The following PPEF2 variants were observed in gnomAD, a reference collection of about 807,000 sequenced individuals.
PPEF2 encodes protein phosphatase with EF-hand domain 2.
Under a neutral mutation model 84.7 loss-of-function variants are expected in PPEF2, and 84 were observed. The observed-to-expected ratio is 0.99, with a 90% CI of 0.83 to 1.19. The LOEUF is 1.19. Among genes scored for constraint, PPEF2 ranks in the 50% most tolerant of loss-of-function variants. The probability of loss-of-function intolerance (pLI) is 0.00; values close to 1 mark genes in which losing one functional copy is unlikely to be tolerated. For missense variants in PPEF2, 924 were observed against 937.5 expected (o/e 0.99, Z 0.19); for synonymous variants, 346 against 345.2 (o/e 1.00, Z -0.03).
At position 75,873,147 on chromosome 4, in the gene PPEF2, C is replaced by T. The variant is rs1724323798; in HGVS notation, c.1486G>A (p.Glu496Lys). Residue 496 changes from glutamate (E) to lysine (K), a missense_variant, in exon 12 of 17, where the codon GAA becomes AAA. Physicochemically the swap from Glu to Lys is moderately conservative, Grantham distance 56 (BLOSUM62 1). Coordinates refer to ENST00000286719, the MANE Select transcript of PPEF2 (RefSeq NM_006239.3). The part of the protein sequence containing the change: ...RSHECKPEGY[E>K]FCHNRKVLTI... The stretch of plus-strand genomic sequence containing the variant: ...CCCACCTTGCGGTTGTGACAGAATT[C>T]ATAGCCTTCAGGTTTGCATTCATGT... The T allele has an allele frequency of 6.2e-7, 1 of 1,613,968 alleles. No homozygotes were observed. Among genetic ancestry groups the T allele is most frequent in the Non-Finnish European group, 8.5e-7 (1 of 1,179,904 alleles).
chr4:75,870,346 G>A (rs1724236650), intron 13 of PPEF2, among the ~76,000 whole-genome samples: 1 of 152,128 alleles, frequency 6.6e-6, no homozygotes, highest in African/African-American at 2.4e-5. Context: ...CATTCACTTG[G>A]TAGGTTTATA....
At chr4:75,886,072 T>C (rs544628839) in intron 7 of PPEF2, among the ~76,000 whole-genome samples, 1 of 152,140 alleles carries the variant, frequency 6.6e-6, no homozygotes, top group African/African-American at 2.4e-5. Flanking sequence ...GATCTGTTGT[T>C]GCCATGGTAA....
intron 16 of PPEF2, among the ~76,000 whole-genome samples, chr4:75,861,481 T>C (rs1288728025): frequency 6.7e-6 from 1 of 149,568 alleles, no homozygotes; most frequent in African/African-American, 2.4e-5. Context: ...AGAGTAAAGC[T>C]AGATACCTAC....
chr4:75,872,337 T>C (rs1001481405), intron 12 of PPEF2, among the ~76,000 whole-genome samples, 170 bp from the exon 13 acceptor site: 6 of 152,200 alleles, frequency 3.9e-5, no homozygotes, highest in Non-Finnish European at 8.8e-5. Context: ...TCAATGCTAA[T>C]AGGGCAAGAG....
chr4:75,885,595 T>G (rs532770278), intron 7 of PPEF2, among the ~76,000 whole-genome samples: 5 of 152,364 alleles, frequency 3.3e-5, no homozygotes, highest in Non-Finnish European at 7.3e-5. Flanking sequence ...CTGGGCACAG[T>G]GGCTCACGCC....
chr4:75,876,646 T>C lies in PPEF2; in HGVS notation c.961A>G (p.Arg321Gly), dbSNP rs199799687. ...KIVSTMRCKT[R>G]QKSEKQMEEK... ...TCCATCTGCTTCTCACTCTTCTGTC[T>C]CGTTTTGCACCTCATGGTGGAAACT... Residue 321 changes from arginine to glycine, a missense_variant, in exon 11 of 17, where the codon AGA becomes GGA. Transcript: ENST00000286719. 8.9e-6 allele frequency: 14 copies of C among 1,569,908 alleles called. No homozygotes were observed. The highest frequency in any genetic ancestry group is 1.2e-5 in the Non-Finnish European group (14 of 1,158,534).
chr4:75,881,636 G>A (rs779878453), intron 10 of PPEF2: 2 of 152,122 alleles, frequency 1.3e-5, no homozygotes, highest in Non-Finnish European at 1.5e-5. Context: ...GGGTGTACAG[G>A]GACACAGCAA....
intron 12 of PPEF2, 84 bp from the exon 13 acceptor site, chr4:75,872,251 C>T (rs1479613798): frequency 1.5e-6 from 2 of 1,325,114 alleles, no homozygotes; most frequent in Non-Finnish European, 2.0e-6. Flanking sequence ...AACTCAACTG[C>T]AGAAGCTGCT....
chr4:75,861,013 G>A (rs1723987523), intron 16 of PPEF2, 93 bp from the exon 17 acceptor site: 2 of 1,392,178 alleles, frequency 1.4e-6, no homozygotes, highest in African/African-American at 1.4e-5. Context: ...GCTCCCTACT[G>A]CTCAACAGAG....
chr4:75,872,288 C>A (rs913325028), intron 12 of PPEF2, 121 bp from the exon 13 acceptor site: 27 of 950,226 alleles, frequency 2.8e-5, no homozygotes, highest in African/African-American at 5.0e-5. Flanking sequence ...ATCTGGGAAT[C>A]CTTTTCTTTC....
At chr4:75,865,496 T>TC (rs1405141260) in intron 15 of PPEF2, among the ~76,000 whole-genome samples, 2 of 152,058 alleles carry the variant, frequency 1.3e-5, no homozygotes, top group South Asian at 2.1e-4. Context: ...CAAGCAATTC[T>TC]CCCACCTCGC....
chr4:75,861,617 T>TTG (rs1457779286), intron 16 of PPEF2, among the ~76,000 whole-genome samples: 4 of 116,212 alleles, frequency 3.4e-5, no homozygotes, highest in African/African-American at 1.1e-4. Context: ...TGCAACAGTT[T>TTG]TTTTTTTTTT....
intron 13 of PPEF2, 40 bp from the exon 14 acceptor site, chr4:75,867,459 T>C: frequency 7.2e-7 from 1 of 1,380,764 alleles, no homozygotes; most frequent in Non-Finnish European, 1.0e-6. Flanking sequence ...AACACACTGG[T>C]ATAGAAAAAA....
chr4:75,884,294 G>T (rs1300622114), intron 8 of PPEF2, among the ~76,000 whole-genome samples: 1 of 152,076 alleles, frequency 6.6e-6, no homozygotes, highest in East Asian at 1.9e-4. Flanking sequence ...TGGGCATGGT[G>T]GTGCGTGCCT....
intron 6 of PPEF2, among the ~76,000 whole-genome samples, chr4:75,887,729 C>T (rs1456746572): frequency 1.3e-5 from 2 of 152,118 alleles, no homozygotes; most frequent in African/African-American, 4.8e-5. Flanking sequence ...GCACTGGAGC[C>T]TCCACTAGGT....
intron 14 of PPEF2, among the ~76,000 whole-genome samples, 199 bp downstream of exon 14, chr4:75,867,114 C>T (rs1724148975): frequency 6.6e-6 from 1 of 151,968 alleles, no homozygotes; most frequent in Non-Finnish European, 1.5e-5. Flanking sequence ...TGGCTAAGTT[C>T]ATATTTTGTT....
At chr4:75,867,248 G>T in intron 14 of PPEF2, 65 bp downstream of exon 14, 1 of 1,275,354 alleles carries the variant, frequency 7.8e-7, no homozygotes, top group Non-Finnish European at 1.1e-6. Context: ...TTGCTAACTA[G>T]TGTAAGACAG....
intron 16 of PPEF2, 102 bp downstream of exon 16, chr4:75,864,338 G>A: frequency 3.4e-6 from 3 of 892,390 alleles, no homozygotes; most frequent in Non-Finnish European, 5.4e-6. Flanking sequence ...CTCTCCAAAT[G>A]CCTGAGTGGA....
At chr4:75,874,208 T>C (rs972658205) in intron 11 of PPEF2, among the ~76,000 whole-genome samples, 1 of 152,170 alleles carries the variant, frequency 6.6e-6, no homozygotes, top group African/African-American at 2.4e-5. Context: ...CTATTATTAA[T>C]ACTCAGGAAA....
Sources: gnomAD v4.1 joint callset for allele counts (sites outside exome capture counted in the v4.1 genomes callset) on GRCh38, gnomAD v4.1.1 for gene constraint, MANE v1.5 for transcripts, NCBI Gene and HGNC (gene_info 2026-07-23, HGNC 2026-07-21) for gene names.